The following CENPU variants were observed in gnomAD, a reference collection of about 807,000 sequenced individuals.
The protein encoded by CENPU is centromere protein U, also known as KSHV latent nuclear antigen interacting protein 1.
In CENPU, 46 loss-of-function variants were observed where a neutral mutation model predicts 56.7. The observed-to-expected ratio is 0.81, with a 90% confidence interval of 0.64 to 1.04. The LOEUF is 1.04. CENPU is among the 50% of genes least tolerant of loss of function. The probability of loss-of-function intolerance (pLI) is 0.00; values close to 1 mark genes in which losing one functional copy is unlikely to be tolerated. For missense variants in CENPU, 510 were observed against 490.1 expected, an observed-to-expected ratio of 1.04 and a Z score of -0.38; for synonymous variants, 166 against 163.0, an observed-to-expected ratio of 1.02 and a Z score of -0.14.
chr4:184,712,119 C>CA (rs10650384), intron 7 of CENPU, among the ~76,000 whole-genome samples: 15,653 of 80,354 alleles, frequency 0.19, 1,321 homozygotes, highest in East Asian at 0.27. Context: ...GACTCAGTCT[C>CA]AAAAAAAAAA....
chr4:184,732,739 C>T (rs1231992415), intron 1 of CENPU, among the ~76,000 whole-genome samples: 4 of 152,158 alleles, frequency 2.6e-5, no homozygotes, highest in Non-Finnish European at 5.9e-5. Context: ...CGCGGTGGCT[C>T]ATGCCTGTAA....
intron 6 of CENPU, chr4:184,713,820 G>A (rs1192966889): frequency 6.6e-6 from 1 of 152,230 alleles, no homozygotes. Context: ...GGGGTATAGT[G>A]AGCTGAAGTC....
intron 8 of CENPU, among the ~76,000 whole-genome samples, chr4:184,707,794 A>C (rs1416402388): frequency 6.6e-6 from 1 of 152,244 alleles, no homozygotes; most frequent in Non-Finnish European, 1.5e-5. Flanking sequence ...TTTCAAACGG[A>C]AAACACATAT....
At chr4:184,727,419 G>A (rs960891124) in intron 3 of CENPU, among the ~76,000 whole-genome samples, 6 of 152,162 alleles carry the variant, frequency 3.9e-5, no homozygotes, top group Non-Finnish European at 7.3e-5. Context: ...CTTAAAAAAG[G>A]TTAATATGGT....
Position 184,727,389 on chromosome 4 carries a change from T to C in CENPU, c.214+1529A>G, listed in dbSNP as rs554367575. On this transcript the variant is annotated intron_variant, in intron 3 of 12. Transcript: ENST00000281453. ...TTGCACAACAACGTGAATGTATTTA[T>C]CTGCTACAGAGTTAATACACTTAAA... is the stretch of plus-strand genomic sequence containing the variant. Among the ~76,000 whole-genome samples the C allele has an allele frequency of 5.3e-5, 8 of 152,302 alleles. No individual in the cohort carries two copies. In the South Asian group the frequency reaches 1.4e-3, roughly 28 times the overall value.
rs1761753243 is a variant in CENPU, at chr4:184,734,035, G to GGGGC, written c.27_28insGCCC (p.Arg10AlafsTer7). 9 of 1,584,340 alleles carry GGGGC rather than the reference G, an allele frequency of 5.7e-6. No homozygotes were observed. In the East Asian group the frequency reaches 1.2e-4, roughly 21 times the overall value. On this transcript the variant is annotated frameshift_variant, in exon 1 of 13. Transcript: ENST00000281453. LOFTEE classifies it high-confidence loss of function. ...ACTTACCCCTCAGACCTGTGAGGCCGCGGCCGCCGCCGCCCCCGCGGGGCC... is the reference window on the plus strand; with the variant it reads ...ACTTACCCCTCAGACCTGTGAGGCCGGGGCCGGCCGCCGCCGCCCCCGCGGGGCC...
At chr4:184,725,780 A>G (rs1333076127) in intron 3 of CENPU, among the ~76,000 whole-genome samples, 1 of 152,198 alleles carries the variant, frequency 6.6e-6, no homozygotes, top group East Asian at 1.9e-4. Flanking sequence ...TAGATAACAT[A>G]AAAAGATACC....
At position 184,699,668 on chromosome 4, in the gene CENPU, C is replaced by CTTTT. The variant is rs1554010092; in HGVS notation, c.986+1148_986+1151dup. 12,072 of 1,083,948 alleles carry CTTTT rather than the reference C, an allele frequency of 0.011. 792 individuals carry two copies. In the African/African-American group the frequency reaches 0.18, roughly 16 times the overall value. 67.1% of individuals were successfully genotyped at this position (1,083,948 alleles called of 1,614,324 possible). A position where few individuals can be genotyped will look rare whatever the true frequency, so the allele number is the denominator to read the frequency against. On this transcript the variant is annotated intron_variant, in intron 11 of 12. Coordinates refer to ENST00000281453, the MANE Select transcript of CENPU (RefSeq NM_024629.4). ...CACTTAAACTCCTGTGGCAGTCTCT[C>CTTTT]TTTTTTTTTTGAGACACAGTTTCAC...
At chr4:184,730,115 C>T (rs1172710640) in intron 2 of CENPU, among the ~76,000 whole-genome samples, 1 of 152,200 alleles carries the variant, frequency 6.6e-6, no homozygotes, top group Non-Finnish European at 1.5e-5. Context: ...GACAGGAAAG[C>T]TGAATCCATT....
chr4:184,695,157 G>A lies in CENPU; in HGVS notation c.*131C>T. ...AACATTGTTCACAGCCATTTAATTT[G>A]AATAACAAATTTTAGATTCTAAGTA... On this transcript the variant is annotated 3_prime_UTR_variant, in exon 13 of 13. Transcript: ENST00000281453. The A allele has an allele frequency of 4.6e-6, 3 of 652,674 alleles. No individual in the cohort carries two copies. The Admixed American group carries it at 7.9e-5, about 17-fold the overall frequency. 40.4% of individuals were successfully genotyped at this position (652,674 alleles called of 1,614,324 possible). A position where few individuals can be genotyped will look rare whatever the true frequency, so the allele number is the denominator to read the frequency against.
chr4:184,721,482 C>T (rs1011805303), intron 4 of CENPU, among the ~76,000 whole-genome samples: 1 of 100,036 alleles, frequency 1.0e-5, no homozygotes, highest in Admixed American at 9.6e-5. Context: ...AAAAAAAGGA[C>T]CCAATGATTT....
In CENPU at chr4:184,694,333, A is replaced by G. The variant is rs1579734991; in HGVS notation, c.*955T>C. 2.9e-6 allele frequency: 4 copies of G among 1,357,884 alleles called. No homozygotes were observed. Among genetic ancestry groups the G allele is most frequent in the Non-Finnish European group, 3.8e-6 (4 of 1,055,082 alleles). 84.1% of individuals were successfully genotyped at this position (1,357,884 alleles called of 1,614,324 possible). A position where few individuals can be genotyped will look rare whatever the true frequency, so the allele number is the denominator to read the frequency against. On this transcript the variant is annotated 3_prime_UTR_variant, in exon 13 of 13. Transcript: ENST00000281453. ...GGAGTTTCAAGTGTGTCTGAGCTTC[A>G]GTGCAGCAACGTTTGAATCAGTGCA...
At chr4:184,712,891 T>C in intron 7 of CENPU, 53 bp downstream of exon 7, 2 of 1,236,880 alleles carry the variant, frequency 1.6e-6, no homozygotes. Context: ...AGGGTCTTAT[T>C]TCTCTTATGA....
Position 184,702,562 on chromosome 4 carries a change from A to G in CENPU, c.798-121T>C, listed in dbSNP as rs189130294. Reference sequence around the variant, plus strand: ...GCATATACCTTTTTTTATTTTAAAAATATCTTTAATCTCTTATTTTTAATA... The same window carrying G: ...GCATATACCTTTTTTTATTTTAAAAGTATCTTTAATCTCTTATTTTTAATA... On this transcript the variant is annotated intron_variant, in intron 8 of 12. Coordinates refer to ENST00000281453, the MANE Select transcript of CENPU (RefSeq NM_024629.4). 5,255 of 586,728 alleles carry G rather than the reference A, an allele frequency of 9.0e-3. 39 individuals are homozygous for G. Among genetic ancestry groups the G allele is most frequent in the Non-Finnish European group, 0.012 (4,331 of 348,414 alleles). 36.3% of individuals were successfully genotyped at this position (586,728 alleles called of 1,614,324 possible).
intron 3 of CENPU, among the ~76,000 whole-genome samples, chr4:184,726,532 C>T (rs1202424000): frequency 6.6e-6 from 1 of 152,138 alleles, no homozygotes; most frequent in Non-Finnish European, 1.5e-5. Context: ...GAAACTGAAA[C>T]CCTTGGGCCC....
Position 184,734,045 on chromosome 4 carries a change from C to A in CENPU, c.18G>T (p.Arg6=), listed in dbSNP as rs751543581. The A allele has an allele frequency of 5.7e-6, 9 of 1,574,410 alleles. No individual in the cohort carries two copies. In the Admixed American group the frequency reaches 1.7e-4, roughly 29 times the overall value. The change falls in exon 1 of 13, where the codon CGG becomes CGT. Residue 6 remains arginine (R), a synonymous_variant. Transcript: ENST00000281453. MAPRG[R]RRPRPHRSEG... ...CAGACCTGTGAGGCCGCGGCCGCCG[C>A]CGCCCCCGCGGGGCCATGGTGCCGC...
chr4:184,718,884 G>A (rs761904810), intron 4 of CENPU, among the ~76,000 whole-genome samples: 2 of 152,196 alleles, frequency 1.3e-5, no homozygotes, highest in Non-Finnish European at 2.9e-5. Flanking sequence ...TGAGGTGCCT[G>A]TGGGCATTTA....
chr4:184,707,623 G>A (rs1760772367), intron 8 of CENPU, among the ~76,000 whole-genome samples: 1 of 152,106 alleles, frequency 6.6e-6, no homozygotes, highest in African/African-American at 2.4e-5. Flanking sequence ...GAGTCGCTGA[G>A]GCTGCCCATC....
Position 184,730,907 on chromosome 4 carries a change from A to C in CENPU, c.96+13T>G. ...CAATTTTGAGAAAACCACAACACAA[A>C]AAGGTAACTTACATCTTTCATGGAA... On this transcript the variant is annotated intron_variant, in intron 2 of 12. Transcript: ENST00000281453. 6.3e-7 allele frequency: 1 copy of C among 1,576,094 alleles called. No homozygotes were observed.
Sources: allele counts gnomAD v4.1 joint callset (sites outside exome capture counted in the v4.1 genomes callset), GRCh38; gene constraint gnomAD v4.1.1; transcripts MANE v1.5; gene names NCBI Gene and HGNC (gene_info 2026-07-23, HGNC 2026-07-21).